GALNTL6: variants seen among roughly 807,000 people sequenced by gnomAD.
GALNTL6 encodes polypeptide N-acetylgalactosaminyltransferase-like 6.
GALNTL6 carries 46 observed loss-of-function variants against 73.7 expected under a neutral mutation model. The observed-to-expected ratio is 0.62, with a 90% CI of 0.49 to 0.80. The LOEUF (loss-of-function observed/expected upper bound fraction) is 0.80, where lower values mean the gene tolerates loss of function less well. Ranked by LOEUF, GALNTL6 falls within the 30% of genes least tolerant of loss-of-function variation. The probability of loss-of-function intolerance (pLI) is 0.00; values close to 1 mark genes in which losing one functional copy is unlikely to be tolerated. For synonymous variants in GALNTL6, 259 were observed against 263.7 expected (o/e 0.98, Z 0.17); for missense variants, 604 against 755.0 (o/e 0.80, Z 2.34).
chr4:172,884,448 C>T (rs1745615987), intron 8 of GALNTL6, among the ~76,000 whole-genome samples: 1 of 152,056 alleles, frequency 6.6e-6, no homozygotes, highest in Admixed American at 6.6e-5. Flanking sequence ...ATGTATTATG[C>T]TCATTTTTAA....
At chr4:172,040,564 A>G (rs1742057392) in intron 2 of GALNTL6, among the ~76,000 whole-genome samples, 2 of 152,146 alleles carry the variant, frequency 1.3e-5, no homozygotes, top group Admixed American at 6.6e-5. Flanking sequence ...GCCATTAATG[A>G]TGACTAATAA....
At chr4:171,934,203 A>G (rs113949084) in intron 2 of GALNTL6, among the ~76,000 whole-genome samples, 145 of 152,310 alleles carry the variant, frequency 9.5e-4, no homozygotes, top group African/African-American at 3.0e-3. Context: ...AGATTACAGC[A>G]TTGCTCTCAT....
chr4:172,198,584 C>G (rs1735853529), intron 2 of GALNTL6, among the ~76,000 whole-genome samples: 1 of 152,116 alleles, frequency 6.6e-6, no homozygotes, highest in Non-Finnish European at 1.5e-5. Flanking sequence ...CCAGTGCCCT[C>G]ACAAAAAGGT....
intron 2 of GALNTL6, among the ~76,000 whole-genome samples, chr4:172,120,782 G>A (rs1470651457): frequency 6.6e-6 from 1 of 151,924 alleles, no homozygotes; most frequent in South Asian, 2.1e-4. Context: ...AGAGCAGAGA[G>A]GATAAGGTGT....
intron 5 of GALNTL6, among the ~76,000 whole-genome samples, chr4:172,434,240 A>G (rs957891): frequency 0.057 from 8,715 of 152,166 alleles, 375 homozygotes; most frequent in South Asian, 0.1. Flanking sequence ...TTGTCTTGTT[A>G]TACAAGACAT....
intron 2 of GALNTL6, among the ~76,000 whole-genome samples, chr4:171,869,880 C>T (rs1452385138): frequency 1.3e-5 from 2 of 152,066 alleles, no homozygotes; most frequent in Non-Finnish European, 2.9e-5. Context: ...GATTGTGAGG[C>T]CTCCCCAGCC....
chr4:171,879,861 T>C (rs1012455515), intron 2 of GALNTL6, among the ~76,000 whole-genome samples: 15 of 152,230 alleles, frequency 9.9e-5, no homozygotes, highest in African/African-American at 3.4e-4. Flanking sequence ...TCAACTTGGA[T>C]TGGAGGAACA....
At position 172,165,786 on chromosome 4, in the gene GALNTL6, A is replaced by G. The variant is rs544920923; in HGVS notation, c.139-63870A>G. Among the ~76,000 whole-genome samples, 31 of 152,340 alleles carry G rather than the reference A, an allele frequency of 2.0e-4. No individual in the cohort carries two copies. The East Asian group carries it at 6.0e-3, about 29-fold the overall frequency. ...CTCTTATGAAAATAAATCATTGTCA[A>G]GAAAAATGTTGCCAACACAGATATA... On this transcript the variant is annotated intron_variant, in intron 2 of 12. Transcript: ENST00000506823.
Position 172,446,142 on chromosome 4 carries a change from T to C in GALNTL6, c.553+97453T>C, listed in dbSNP as rs1392950818. On this transcript the variant is annotated intron_variant, in intron 5 of 12. Coordinates refer to ENST00000506823, the MANE Select transcript of GALNTL6 (RefSeq NM_001034845.3). Reference sequence around the variant, plus strand: ...AAAAATTTATCCACATTTAATTATTTGATATACATAATCTCACTTTATCTT... The same window carrying C: ...AAAAATTTATCCACATTTAATTATTCGATATACATAATCTCACTTTATCTT... Among the ~76,000 whole-genome samples, 15 of 152,310 alleles carry C rather than the reference T, an allele frequency of 9.8e-5. No homozygotes were observed. The East Asian group carries it at 2.7e-3, about 27-fold the overall frequency.
chr4:171,993,969 G>A (rs907430392), intron 2 of GALNTL6, among the ~76,000 whole-genome samples: 1 of 151,904 alleles, frequency 6.6e-6, no homozygotes, highest in African/African-American at 2.4e-5. Context: ...ACAAAATTTT[G>A]TTCCTGGGAT....
chr4:172,758,905 C>A (rs777043125), intron 5 of GALNTL6, among the ~76,000 whole-genome samples: 5 of 152,106 alleles, frequency 3.3e-5, no homozygotes, highest in African/African-American at 7.2e-5. Context: ...CATTCCCATG[C>A]GAGGACAATA....
rs181129025 is a variant in GALNTL6, at chr4:171,996,688, G to A, written c.138+181970G>A. On this transcript the variant is annotated intron_variant, in intron 2 of 12. Coordinates refer to ENST00000506823, the MANE Select transcript of GALNTL6 (RefSeq NM_001034845.3). Reference sequence around the variant, plus strand: ...ATTCGAGGAAGAAACATTCTCTTGGGCCACACATAATATATACTAACAATA... The same window carrying A: ...ATTCGAGGAAGAAACATTCTCTTGGACCACACATAATATATACTAACAATA... Among the ~76,000 whole-genome samples the A allele has an allele frequency of 1.7e-3, 250 of 147,294 alleles. 5 individuals are homozygous for A. The highest frequency in any genetic ancestry group is 7.3e-3 in the Middle Eastern group (2 of 274).
intron 5 of GALNTL6, among the ~76,000 whole-genome samples, chr4:172,375,113 G>A (rs948875638): frequency 1.3e-5 from 2 of 152,128 alleles, no homozygotes; most frequent in East Asian, 1.9e-4. Context: ...ATAGGAAGGG[G>A]AGCTATAGGG....
At chr4:172,047,727 T>C (rs1407245493) in intron 2 of GALNTL6, among the ~76,000 whole-genome samples, 1 of 152,094 alleles carries the variant, frequency 6.6e-6, no homozygotes, top group Non-Finnish European at 1.5e-5. Flanking sequence ...TAGTTCTCTA[T>C]TTAAGGAAAC....
At position 172,409,332 on chromosome 4, in the gene GALNTL6, AC is replaced by A. The variant is rs569176608; in HGVS notation, c.553+60647del. On this transcript the variant is annotated intron_variant, in intron 5 of 12. Coordinates refer to ENST00000506823, the MANE Select transcript of GALNTL6 (RefSeq NM_001034845.3). ...AAGTTTGGTAATAGATTTTTTAGGGACCCCATTATCAATATATAGCTCATAG... is the reference window on the plus strand; with the variant it reads ...AAGTTTGGTAATAGATTTTTTAGGGACCCATTATCAATATATAGCTCATAG... Among the ~76,000 whole-genome samples, 178 of 152,124 alleles carry A rather than the reference AC, an allele frequency of 1.2e-3. 1 individual carries two copies. Among genetic ancestry groups the A allele is most frequent in the Non-Finnish European group, 2.0e-3 (138 of 67,940 alleles).
chr4:172,906,942 C>T (rs2653827), intron 8 of GALNTL6, among the ~76,000 whole-genome samples: 2,824 of 152,218 alleles, frequency 0.019, 92 homozygotes, highest in African/African-American at 0.064. Flanking sequence ...ACTTCTTCAC[C>T]GACTTCATAG....
rs114394733 is a variant in GALNTL6 at position 172,515,580 on chromosome 4, G to A, written c.553+166891G>A. On this transcript the variant is annotated intron_variant, in intron 5 of 12. Coordinates refer to ENST00000506823, the MANE Select transcript of GALNTL6 (RefSeq NM_001034845.3). ...GAATGCCCTAAAGATCAATCCCCAT[G>A]TGAAGTAGTGCAGGAAAGAGGATTG... 4.2e-3 allele frequency among the ~76,000 whole-genome samples: 644 copies of A among 152,374 alleles called. 3 individuals are homozygous for A. The highest frequency in any genetic ancestry group is 0.014 in the African/African-American group (598 of 41,586).
At chr4:172,623,155 A>G (rs775374895) in intron 5 of GALNTL6, among the ~76,000 whole-genome samples, 4 of 152,154 alleles carry the variant, frequency 2.6e-5, no homozygotes, top group African/African-American at 4.8e-5. Flanking sequence ...TCAAAAATCA[A>G]TGCACGAAAC....
chr4:172,575,057 A>C (rs534209799), intron 5 of GALNTL6, among the ~76,000 whole-genome samples: 2 of 152,176 alleles, frequency 1.3e-5, no homozygotes, highest in African/African-American at 4.8e-5. Context: ...TGTGTACCCA[A>C]AGGTCACTTA....
Sources: gnomAD v4.1 joint callset for allele counts (sites outside exome capture counted in the v4.1 genomes callset) on GRCh38, gnomAD v4.1.1 for gene constraint, MANE v1.5 for transcripts, NCBI Gene and HGNC (gene_info 2026-07-23, HGNC 2026-07-21) for gene names.